The following COL10A1 variants were observed in gnomAD, a reference collection of about 807,000 sequenced individuals.
COL10A1 encodes the protein collagen alpha-1(X) chain.
A neutral mutation model predicts 18.2 loss-of-function variants in COL10A1; 10 were observed. That is an observed-to-expected ratio of 0.55 (90% CI 0.34 to 0.93). The LOEUF is 0.93. COL10A1 is among the 40% of genes least tolerant of loss of function. COL10A1 has a pLI of 0.02. For missense variants in COL10A1, 897 were observed against 853.5 expected (o/e 1.05, Z -0.64); for synonymous variants, 330 against 316.6 (o/e 1.04, Z -0.45).
the COL10A1 span, among the ~76,000 whole-genome samples, chr6:116,179,445 A>T: frequency 6.6e-6 from 1 of 152,108 alleles, no homozygotes; most frequent in African/African-American, 2.4e-5. Flanking sequence ...ATCAGCAGAA[A>T]AAAAACAATC....
At chr6:116,194,834 T>G in the COL10A1 span, among the ~76,000 whole-genome samples, 1 of 152,060 alleles carries the variant, frequency 6.6e-6, no homozygotes, top group Non-Finnish European at 1.5e-5. Context: ...TTTTCTATTA[T>G]AAGACACTCT....
intron 1 of COL10A1, chr6:116,137,177 C>CA (rs1772488824): frequency 5.4e-6 from 1 of 186,472 alleles, no homozygotes; most frequent in Non-Finnish European, 1.2e-5. Context: ...CCCCAAAACC[C>CA]AAAGGGATGT....
upstream of COL10A1, among the ~76,000 whole-genome samples, chr6:116,129,377 G>A (rs753025210): frequency 1.3e-5 from 2 of 152,208 alleles, no homozygotes; most frequent in Non-Finnish European, 2.9e-5. Context: ...AAGTTCATGT[G>A]TTGGAAACTT....
chr6:116,155,516 G>A (rs79254358), intron 1 of COL10A1, among the ~76,000 whole-genome samples: 4,431 of 152,094 alleles, frequency 0.029, 233 homozygotes, highest in African/African-American at 0.1. Flanking sequence ...AGTTTAAGAA[G>A]TTTGACTAAA....
At chr6:116,175,572 G>T in the COL10A1 span, among the ~76,000 whole-genome samples, 3 of 152,090 alleles carry the variant, frequency 2.0e-5, no homozygotes, top group Admixed American at 1.3e-4. Context: ...ATTTGATAAT[G>T]TCTTACAGTT....
chr6:116,190,930 G>T, the COL10A1 span, among the ~76,000 whole-genome samples: 1 of 151,926 alleles, frequency 6.6e-6, no homozygotes, highest in African/African-American at 2.4e-5. Context: ...ATGAATACAA[G>T]GAAATCCTGG....
chr6:116,129,134 A>T (rs1409971187), upstream of COL10A1, among the ~76,000 whole-genome samples: 1 of 152,080 alleles, frequency 6.6e-6, no homozygotes, highest in African/African-American at 2.4e-5. Context: ...TTTTTTCTTT[A>T]AAACAATGTC....
intron 1 of COL10A1, among the ~76,000 whole-genome samples, chr6:116,145,754 A>G (rs372990577): frequency 1.3e-5 from 2 of 152,198 alleles, no homozygotes; most frequent in South Asian, 2.1e-4. Flanking sequence ...TCATTTCCAG[A>G]TACTTACCAA....
At chr6:116,195,611 A>G in the COL10A1 span, among the ~76,000 whole-genome samples, 2 of 152,040 alleles carry the variant, frequency 1.3e-5, no homozygotes, top group African/African-American at 2.4e-5. Context: ...CCTCAAATGT[A>G]CATAATCAGG....
chr6:116,157,788 C>G (rs4946141), intron 1 of COL10A1, among the ~76,000 whole-genome samples: 31,984 of 152,068 alleles, frequency 0.21, 3,516 homozygotes, highest in East Asian at 0.27. Flanking sequence ...ACGGGGAAAT[C>G]AAAAACTGAT....
rs1455050752 is a variant in COL10A1 at position 116,137,185 on chromosome 6, T to C, written c.-15-11678A>G. 3 of 182,570 alleles carry C rather than the reference T, an allele frequency of 1.6e-5. No individual in the cohort carries two copies. In the East Asian group the frequency reaches 4.3e-4, roughly 26 times the overall value. 11.3% of individuals were successfully genotyped at this position (182,570 alleles called of 1,614,324 possible). ...GCTGCCACCCCAAAACCCAAAGGGA[T>C]GTCTGCCACCACCACTTCCTGGCCA... On this transcript the variant is annotated intron_variant, in intron 1 of 1. Transcript: ENST00000418500.
the COL10A1 span, among the ~76,000 whole-genome samples, chr6:116,174,865 A>G: frequency 6.6e-6 from 1 of 152,188 alleles, no homozygotes; most frequent in African/African-American, 2.4e-5. Flanking sequence ...TACAAACACT[A>G]CATAAGCCAT....
At chr6:116,161,770 A>G (rs138108221), upstream of COL10A1, among the ~76,000 whole-genome samples, 22 of 152,260 alleles carry the variant, frequency 1.4e-4, no homozygotes, top group East Asian at 4.3e-3. Flanking sequence ...GAAATATAAC[A>G]TTGGTAATTT....
At chr6:116,212,646 T>C in the COL10A1 span, among the ~76,000 whole-genome samples, 1 of 152,130 alleles carries the variant, frequency 6.6e-6, no homozygotes, top group Non-Finnish European at 1.5e-5. Context: ...ACCAATCTAG[T>C]TTTTTAAGAA....
At chr6:116,185,203 T>C in the COL10A1 span, among the ~76,000 whole-genome samples, 3 of 152,146 alleles carry the variant, frequency 2.0e-5, no homozygotes, top group African/African-American at 4.8e-5. Context: ...ATTTCCAATT[T>C]TATCCACTAT....
chr6:116,121,370 G>A lies in COL10A1; in HGVS notation c.746C>T (p.Pro249Leu), dbSNP rs188598435. The change falls in exon 3 of 3, where the codon CCA (proline) becomes CTA (leucine). Residue 249 changes from proline (P) to leucine (L), a missense_variant. By Grantham distance (98) the Pro-to-Leu change is moderately conservative. Coordinates refer to ENST00000651968, the MANE Select transcript of COL10A1 (RefSeq NM_000493.4). ...FPGEMGPIGP[P>L]GPQGPPGERG... is the part of the protein sequence containing the mutation. Reference sequence around the variant, plus strand: ...TTCCCCAGGAGGGCCTTGGGGACCTGGTGGGCCAATTGGTCCCATTTCTCC... The same window carrying A: ...TTCCCCAGGAGGGCCTTGGGGACCTAGTGGGCCAATTGGTCCCATTTCTCC... 2 of 1,614,124 alleles carry A rather than the reference G, an allele frequency of 1.2e-6. No homozygotes were observed. The highest frequency in any genetic ancestry group is 2.2e-5 in the East Asian group (1 of 44,856).
upstream of COL10A1, among the ~76,000 whole-genome samples, chr6:116,162,737 G>A (rs1780364258): frequency 2.0e-5 from 3 of 152,056 alleles, no homozygotes; most frequent in African/African-American, 2.4e-5. Context: ...ATAGTTTTCT[G>A]TTTTTGTGTT....
At chr6:116,138,147 A>G (rs1388705124) in intron 1 of COL10A1, among the ~76,000 whole-genome samples, 3 of 152,196 alleles carry the variant, frequency 2.0e-5, no homozygotes, top group Non-Finnish European at 4.4e-5. Context: ...GCTAGATCTA[A>G]TTCTAACAAC....
intron 1 of COL10A1, among the ~76,000 whole-genome samples, chr6:116,135,872 T>TACACACACAC (rs71554839): frequency 1.6e-5 from 2 of 121,314 alleles, no homozygotes; most frequent in African/African-American, 3.5e-5. Flanking sequence ...TATATATATA[T>TACACACACAC]ACACACATAC....
Sources: allele counts gnomAD v4.1 joint callset (sites outside exome capture counted in the v4.1 genomes callset), GRCh38; gene constraint gnomAD v4.1.1; transcripts MANE v1.5; gene names NCBI Gene and HGNC (gene_info 2026-07-23, HGNC 2026-07-21).